NDUFA8: variants seen among roughly 807,000 people sequenced by gnomAD.
NDUFA8 encodes the protein NADH:ubiquinone oxidoreductase subunit A8.
Under a neutral mutation model 20.9 loss-of-function variants are expected in NDUFA8, and 16 were observed. The observed-to-expected ratio is 0.77, with a 90% CI of 0.52 to 1.16. The LOEUF (loss-of-function observed/expected upper bound fraction) is 1.16, where lower values mean the gene tolerates loss of function less well. Among genes scored for constraint, NDUFA8 ranks in the 50% most tolerant of loss-of-function variants. The probability of loss-of-function intolerance (pLI) is 0.00; values close to 1 mark genes in which losing one functional copy is unlikely to be tolerated. For missense variants in NDUFA8, 202 were observed against 216.4 expected, an observed-to-expected ratio of 0.93 and a Z score of 0.42; for synonymous variants, 70 against 76.1, an observed-to-expected ratio of 0.92 and a Z score of 0.41.
At chr9:122,136,519 A>G in the NDUFA8 span, among the ~76,000 whole-genome samples, 1 of 151,684 alleles carries the variant, frequency 6.6e-6, no homozygotes, top group African/African-American at 2.4e-5. Flanking sequence ...GGCCATTCTG[A>G]TGCTCTGTTC....
Position 122,144,084 on chromosome 9 carries a change from G to T in NDUFA8, c.*157C>A. ...TTCCTTTAAAAATTTTAATGGACAG[G>T]AAATGGTATAGAATAACTGCCAAGT... On this transcript the variant is annotated 3_prime_UTR_variant, in exon 4 of 4. Transcript: ENST00000373768. 6.7e-7 allele frequency: 1 copy of T among 1,494,930 alleles called. No homozygotes were observed. The highest frequency in any genetic ancestry group is 2.4e-4 in the Middle Eastern group (1 of 4,094). 92.6% of individuals were successfully genotyped at this position (1,494,930 alleles called of 1,614,324 possible).
downstream of NDUFA8, among the ~76,000 whole-genome samples, chr9:122,140,488 AT>A (rs1828803864): frequency 6.6e-6 from 1 of 152,198 alleles, no homozygotes; most frequent in African/African-American, 2.4e-5. Context: ...CCTACAAGTA[AT>A]TTTTTGTTTG....
chr9:122,144,319 T>C lies in NDUFA8; in HGVS notation c.441A>G (p.Arg147=). 2 of 1,614,146 alleles carry C rather than the reference T, an allele frequency of 1.2e-6. No homozygotes were observed. The highest frequency in any genetic ancestry group is 1.7e-6 in the Non-Finnish European group (2 of 1,180,020). ...CCTCGATCTCAGGGCTGGGATCCGG[T>C]CTTGGTCTTGAGTGATAGGGATTCT... ...LPENPYHSRP[R]PDPSPEIEGD... is the part of the protein sequence containing the mutation. Residue 147 remains arginine (R), a synonymous_variant, in exon 4 of 4, where the codon AGA becomes AGG. Transcript: ENST00000373768.
chr9:122,134,590 C>T, the NDUFA8 span, among the ~76,000 whole-genome samples: 2 of 152,190 alleles, frequency 1.3e-5, no homozygotes, highest in African/African-American at 4.8e-5. Context: ...GCTCCCCTGC[C>T]TCTGAGCCCA....
At chr9:122,147,488 C>G (rs1004203761) in intron 3 of NDUFA8, among the ~76,000 whole-genome samples, 3 of 152,150 alleles carry the variant, frequency 2.0e-5, no homozygotes, top group Non-Finnish European at 2.9e-5. Flanking sequence ...CAGTGAATTC[C>G]ACAATAACCT....
At chr9:122,150,410 CAAAAA>C (rs60728190) in intron 2 of NDUFA8, among the ~76,000 whole-genome samples, 28 of 19,652 alleles carry the variant, frequency 1.4e-3, no homozygotes, top group African/African-American at 2.9e-3. Flanking sequence ...CACCCCATCA[CAAAAA>C]AAAAAAAAAA....
chr9:122,152,034 A>G (rs1039130452), intron 2 of NDUFA8, among the ~76,000 whole-genome samples: 3 of 152,222 alleles, frequency 2.0e-5, no homozygotes, highest in African/African-American at 7.2e-5. Context: ...TTATTTTACA[A>G]TTTGGAAACT....
At chr9:122,159,009 A>T (rs1829129463) in intron 1 of NDUFA8, among the ~76,000 whole-genome samples, 1 of 152,008 alleles carries the variant, frequency 6.6e-6, no homozygotes, top group Non-Finnish European at 1.5e-5. Context: ...CTGTCTCCCT[A>T]CTGGATTGTA....
chr9:122,146,473 T>C (rs909935855), intron 3 of NDUFA8, among the ~76,000 whole-genome samples: 5 of 152,208 alleles, frequency 3.3e-5, no homozygotes, highest in Non-Finnish European at 5.9e-5. Context: ...TTATCAACTA[T>C]TTAAAATAAT....
chr9:122,143,649 A>G (rs551697616), downstream of NDUFA8, among the ~76,000 whole-genome samples: 1 of 152,316 alleles, frequency 6.6e-6, no homozygotes, highest in Admixed American at 6.5e-5. Context: ...ATCAAGGGGA[A>G]GTGGTGGAAG....
At chr9:122,158,958 C>G (rs1250064806) in intron 1 of NDUFA8, among the ~76,000 whole-genome samples, 1 of 152,104 alleles carries the variant, frequency 6.6e-6, no homozygotes, top group Admixed American at 6.5e-5. Flanking sequence ...TCACTCCTCA[C>G]AGCACTAACT....
intron 3 of NDUFA8, among the ~76,000 whole-genome samples, chr9:122,144,770 C>G (rs1828877258): frequency 6.6e-6 from 1 of 152,072 alleles, no homozygotes; most frequent in Non-Finnish European, 1.5e-5. Flanking sequence ...GGCTGGGGGT[C>G]TGGAATATTT....
chr9:122,145,450 G>A (rs997487290), intron 3 of NDUFA8, among the ~76,000 whole-genome samples: 27 of 151,586 alleles, frequency 1.8e-4, no homozygotes, highest in African/African-American at 6.1e-4. Flanking sequence ...GAAGTAAGAA[G>A]ACATAAGGCC....
chr9:122,137,329 C>A, the NDUFA8 span, among the ~76,000 whole-genome samples: 1 of 140,148 alleles, frequency 7.1e-6, no homozygotes, highest in African/African-American at 2.7e-5. Context: ...GCAGACTCTG[C>A]CTCTTGGGTT....
intron 2 of NDUFA8, among the ~76,000 whole-genome samples, chr9:122,150,971 CAAAAAAAAAAA>C (rs71508152): frequency 2.0e-5 from 1 of 50,428 alleles, no homozygotes; most frequent in Non-Finnish European, 3.2e-5. Context: ...GACTCCGTCT[CAAAAAAAAAAA>C]AAAAAAAAAA....
chr9:122,156,704 T>C (rs1313630664), intron 1 of NDUFA8, among the ~76,000 whole-genome samples: 1 of 152,240 alleles, frequency 6.6e-6, no homozygotes, highest in African/African-American at 2.4e-5. Flanking sequence ...GCTTCACCAG[T>C]ACTATTGCCA....
At chr9:122,152,540 ACT>A (rs1829019411) in intron 1 of NDUFA8, 132 bp from the exon 2 acceptor site, 10 of 785,914 alleles carry the variant, frequency 1.3e-5, no homozygotes, top group Non-Finnish European at 2.0e-5. Flanking sequence ...AAAATTAAAC[ACT>A]GTCATAATAA....
downstream of NDUFA8, among the ~76,000 whole-genome samples, chr9:122,142,584 G>C (rs1457466679): frequency 6.6e-6 from 1 of 152,146 alleles, no homozygotes; most frequent in East Asian, 1.9e-4. Flanking sequence ...CTTGTATCCT[G>C]TATCTACCAC....
At chr9:122,159,252 T>TTTAAGGTAGA (rs778448488) in intron 1 of NDUFA8, among the ~76,000 whole-genome samples, 1 of 152,166 alleles carries the variant, frequency 6.6e-6, no homozygotes, top group African/African-American at 2.4e-5. Context: ...ACCGTCTCCC[T>TTTAAGGTAGA]CGACTGTGAG....
Sources: gnomAD v4.1 joint callset for allele counts (sites outside exome capture counted in the v4.1 genomes callset) on GRCh38, gnomAD v4.1.1 for gene constraint, MANE v1.5 for transcripts, NCBI Gene and HGNC (gene_info 2026-07-23, HGNC 2026-07-21) for gene names.